The following TMA7B variants were observed in gnomAD, a reference collection of about 807,000 sequenced individuals.
The protein encoded by TMA7B is translation machinery-associated protein 7B.
chr22:39,960,399 C>T, the TMA7B span: 2 of 489,206 alleles, frequency 4.1e-6, no homozygotes, highest in Non-Finnish European at 7.4e-6. Context: ...TATTTCTACG[C>T]CCATCTGCCT....
the TMA7B span, among the ~76,000 whole-genome samples, chr22:39,963,111 T>C: frequency 6.6e-6 from 1 of 152,236 alleles, no homozygotes; most frequent in Non-Finnish European, 1.5e-5. Context: ...ATCACGTCTT[T>C]GCAGAAATGT....
the TMA7B span, among the ~76,000 whole-genome samples, chr22:39,963,206 C>T: frequency 6.6e-6 from 1 of 152,182 alleles, no homozygotes; most frequent in Non-Finnish European, 1.5e-5. Flanking sequence ...AATTGTAGTT[C>T]TATCACTCAG....
At chr22:39,962,866 G>A in the TMA7B span, among the ~76,000 whole-genome samples, 1,074 of 152,014 alleles carry the variant, frequency 7.1e-3, 6 homozygotes, top group African/African-American at 0.024. Context: ...ACGGGGTTTC[G>A]TCATGTTGGC....
chr22:39,964,017 A>G, the TMA7B span: 2 of 184,994 alleles, frequency 1.1e-5, no homozygotes, highest in Non-Finnish European at 2.3e-5. Context: ...CTCTGACTCA[A>G]AAAGAAACCT....
chr22:39,962,916 G>A, the TMA7B span, among the ~76,000 whole-genome samples: 13 of 151,928 alleles, frequency 8.6e-5, no homozygotes, highest in Non-Finnish European at 1.3e-4. Flanking sequence ...TAATCCACCC[G>A]CCTCAGCCTC....
the TMA7B span, among the ~76,000 whole-genome samples, chr22:39,962,416 C>T: frequency 6.6e-6 from 1 of 152,064 alleles, no homozygotes; most frequent in East Asian, 1.9e-4. Flanking sequence ...CAGAGCAAGA[C>T]CCTGTCTCAA....
the TMA7B span, chr22:39,964,714 G>GT: frequency 4.2e-4 from 80 of 191,764 alleles, no homozygotes; most frequent in African/African-American, 5.1e-3. Flanking sequence ...ATAAACTTTT[G>GT]TAAAAAAAAA....
chr22:39,964,836 C>T, the TMA7B span: 1 of 324,286 alleles, frequency 3.1e-6, no homozygotes, highest in African/African-American at 2.2e-5. Context: ...CCAGAATCTG[C>T]TCTTTGGTCG....
chr22:39,963,729 C>T, the TMA7B span, among the ~76,000 whole-genome samples: 5 of 152,280 alleles, frequency 3.3e-5, no homozygotes, highest in African/African-American at 1.2e-4. Flanking sequence ...CCCTAAGAAA[C>T]CTCCATGGTC....
the TMA7B span, among the ~76,000 whole-genome samples, chr22:39,962,933 T>C: frequency 6.6e-6 from 1 of 152,010 alleles, no homozygotes; most frequent in Admixed American, 6.6e-5. Context: ...CCTCCCAAAG[T>C]GCTAGGATTA....
At chr22:39,963,060 C>T in the TMA7B span, among the ~76,000 whole-genome samples, 3 of 152,278 alleles carry the variant, frequency 2.0e-5, no homozygotes, top group African/African-American at 7.2e-5. Context: ...GATATTCAGG[C>T]GATGAAGCTT....
At chr22:39,964,565 A>G in the TMA7B span, 1 of 819,172 alleles carries the variant, frequency 1.2e-6, no homozygotes, top group Non-Finnish European at 2.2e-6. Context: ...TCTGGCAAAA[A>G]ATAAGCTGTT....
chr22:39,962,291 G>A, the TMA7B span, among the ~76,000 whole-genome samples: 15 of 152,030 alleles, frequency 9.9e-5, no homozygotes, highest in Admixed American at 6.5e-4. Context: ...GTGCAGTGGC[G>A]CATGCCTGTG....
At chr22:39,961,409 C>T in the TMA7B span, among the ~76,000 whole-genome samples, 1 of 152,156 alleles carries the variant, frequency 6.6e-6, no homozygotes, top group Non-Finnish European at 1.5e-5. Flanking sequence ...CAAGGGGTGT[C>T]GTTTTCTGAG....
the TMA7B span, among the ~76,000 whole-genome samples, chr22:39,961,334 G>T: frequency 6.6e-6 from 1 of 152,172 alleles, no homozygotes; most frequent in South Asian, 2.1e-4. Flanking sequence ...GCCAAAGGAA[G>T]ACTTTGCTTC....
At chr22:39,961,410 G>C in the TMA7B span, among the ~76,000 whole-genome samples, 1 of 152,140 alleles carries the variant, frequency 6.6e-6, no homozygotes, top group African/African-American at 2.4e-5. Flanking sequence ...AAGGGGTGTC[G>C]TTTTCTGAGC....
chr22:39,961,481 G>A, the TMA7B span, among the ~76,000 whole-genome samples: 1 of 152,208 alleles, frequency 6.6e-6, no homozygotes, highest in Non-Finnish European at 1.5e-5. Context: ...CTTCAACACA[G>A]TACAGTACAG....
At chr22:39,964,080 C>A in the TMA7B span, 1 of 310,068 alleles carries the variant, frequency 3.2e-6, no homozygotes, top group African/African-American at 2.2e-5. Context: ...AAATTCTTGA[C>A]CTTTCTTTTA....
chr22:39,962,978 T>C, the TMA7B span, among the ~76,000 whole-genome samples: 1 of 152,172 alleles, frequency 6.6e-6, no homozygotes, highest in East Asian at 1.9e-4. Context: ...CCCAGAACTA[T>C]GGTTTATATT....
Sources: gnomAD v4.1 joint callset for allele counts (sites outside exome capture counted in the v4.1 genomes callset) on GRCh38, gnomAD v4.1.1 for gene constraint, MANE v1.5 for transcripts, NCBI Gene and HGNC (gene_info 2026-07-23, HGNC 2026-07-21) for gene names.